Variants in KRT5 observed in about 807,000 individuals in gnomAD.
KRT5 encodes the protein keratin 5, also known as keratin, type II cytoskeletal 5.
In KRT5, 17 loss-of-function variants were observed where a neutral mutation model predicts 44.0. The observed-to-expected ratio is 0.39, with a 90% CI of 0.26 to 0.58. The LOEUF (loss-of-function observed/expected upper bound fraction) is 0.58, where lower values mean the gene tolerates loss of function less well. KRT5 is among the 20% of genes least tolerant of loss of function. The pLI is 0.61. For synonymous variants in KRT5, 329 were observed against 312.8 expected (o/e 1.05, Z -0.55); for missense variants, 737 against 785.5 (o/e 0.94, Z 0.74).
Position 52,514,804 on chromosome 12 carries a change from A to G in KRT5, c.*138T>C. 1 of 751,014 alleles carries G rather than the reference A, an allele frequency of 1.3e-6. No homozygotes were observed. Among genetic ancestry groups the G allele is most frequent in the Non-Finnish European group, 2.3e-6 (1 of 442,356 alleles). 46.5% of individuals were successfully genotyped at this position (751,014 alleles called of 1,614,324 possible). ...GGAATGGGGCTCTCCTGGGAACCAAAGAATGTGGTTCTGCAATTGGCTTGG... is the reference window on the plus strand; with the variant it reads ...GGAATGGGGCTCTCCTGGGAACCAAGGAATGTGGTTCTGCAATTGGCTTGG... On this transcript the variant is annotated 3_prime_UTR_variant, in exon 9 of 9. Coordinates refer to ENST00000252242, the MANE Select transcript of KRT5 (RefSeq NM_000424.4).
In KRT5 at chr12:52,515,230, T is replaced by A; in HGVS notation, c.1485A>T (p.Thr495=). 1 of 1,607,344 alleles carries A rather than the reference T, an allele frequency of 6.2e-7. No individual in the cohort carries two copies. Among genetic ancestry groups the A allele is most frequent in the African/African-American group, 1.3e-5 (1 of 74,880 alleles). The change falls in exon 9 of 9, where the codon ACA becomes ACT. Residue 495 remains threonine (T), a synonymous_variant. Transcript: ENST00000252242. ...TGCCATATCCAGAGGAAACACTGCT[T>A]GTGACAACAGCTGCAGGGAAAGGAG... The part of the protein sequence containing the change: ...GVGPVNISVV[T]SSVSSGYGSG...
intron 1 of KRT5, 88 bp from the exon 2 acceptor site, chr12:52,519,248 C>A: frequency 6.4e-7 from 1 of 1,554,380 alleles, no homozygotes. Context: ...CTCTTTCCGT[C>A]CCTCTAAAGC....
rs1938574920 is a variant in KRT5, at chr12:52,514,685, TTGGG to T, written c.*253_*256del. 2 of 482,350 alleles carry T rather than the reference TTGGG, an allele frequency of 4.1e-6. No homozygotes were observed. The highest frequency in any genetic ancestry group is 3.9e-5 in the African/African-American group (2 of 51,930). The allele number at this position is 482,350 out of a possible 1,614,324, so 29.9% of individuals were successfully genotyped here. On this transcript the variant is annotated 3_prime_UTR_variant, in exon 9 of 9. Coordinates refer to ENST00000252242, the MANE Select transcript of KRT5 (RefSeq NM_000424.4). The stretch of plus-strand genomic sequence containing the variant: ...TTGATGATTTAGATTTGGGAAAACT[TTGGG>T]TTCTCGTGTCAGCAGGGGCCATGCT...
At chr12:52,518,696 G>C (rs978979127) in intron 2 of KRT5, among the ~76,000 whole-genome samples, 5 of 152,212 alleles carry the variant, frequency 3.3e-5, no homozygotes, top group African/African-American at 1.2e-4. Flanking sequence ...ACCAGGTAGT[G>C]CCAAGGGCAC....
At position 52,520,155 on chromosome 12, in the gene KRT5, T is replaced by C. The variant is rs61747180; in HGVS notation, c.142A>G (p.Arg48Gly). ...SGGGGGGGFG[R>G]VSLAGACGVG... ...CCACAAGCACCCGCAAGGCTGACCCTGCCGAAGCCACCACCACCGCCACCC... is the reference window on the plus strand; with the variant it reads ...CCACAAGCACCCGCAAGGCTGACCCCGCCGAAGCCACCACCACCGCCACCC... Residue 48 changes from arginine (R) to glycine (G), a missense_variant, in exon 1 of 9, where the codon AGG (arginine) becomes GGG (glycine). By Grantham distance (125) the Arg-to-Gly change is moderately radical. Transcript: ENST00000252242. 1.9e-6 allele frequency: 3 copies of C among 1,613,784 alleles called. No individual in the cohort carries two copies. The African/African-American group carries it at 4.0e-5, about 22-fold the overall frequency.
At chr12:52,518,593 T>G in intron 2 of KRT5, 1 of 555,828 alleles carries the variant, frequency 1.8e-6, no homozygotes, top group South Asian at 1.7e-5. Flanking sequence ...CTGGGTTATG[T>G]CACCAGCTCC....
intron 2 of KRT5, 99 bp from the exon 3 acceptor site, chr12:52,518,262 AG>A (rs1158205607): frequency 1.8e-6 from 2 of 1,138,874 alleles, no homozygotes; most frequent in African/African-American, 3.0e-5. Context: ...TGCAGTGGGA[AG>A]GGGCTTCTCC....
Position 52,515,818 on chromosome 12 carries a change from CCTT to C in KRT5, c.1451_1453del (p.Glu484del). ...CTTACAGATGTTGACTGGTCCAACT[CCTT>C]CTCCACTGAGTCTGAAAGGGGAAAA... is the stretch of plus-strand genomic sequence containing the variant. On this transcript the variant is annotated inframe_deletion, in exon 8 of 9. Transcript: ENST00000252242. 1 of 1,613,400 alleles carries C rather than the reference CCTT, an allele frequency of 6.2e-7. No homozygotes were observed. The highest frequency in any genetic ancestry group is 1.1e-5 in the South Asian group (1 of 91,056).
intron 1 of KRT5, chr12:52,519,410 G>C: frequency 1.5e-6 from 1 of 651,084 alleles, no homozygotes; most frequent in Non-Finnish European, 2.6e-6. Context: ...CTCAGGGGTG[G>C]CTGCAAAGGC....
intron 3 of KRT5, 53 bp downstream of exon 3, chr12:52,518,050 C>T: frequency 1.2e-6 from 2 of 1,612,034 alleles, no homozygotes; most frequent in South Asian, 1.1e-5. Flanking sequence ...AAGTGAGCTC[C>T]ACGCTTAGAG....
chr12:52,515,209 A>G lies in KRT5; in HGVS notation c.1506T>C (p.Tyr502=), dbSNP rs778821833. ...CACCGCCATAGCCACTGCCACTGCC[A>G]TATCCAGAGGAAACACTGCTTGTGA... ...SVVTSSVSSG[Y]GSGSGYGGGL... Residue 502 remains tyrosine, a synonymous_variant, in exon 9 of 9, where the codon TAT becomes TAC. Transcript: ENST00000252242. 1.2e-6 allele frequency: 2 copies of G among 1,610,174 alleles called. No individual in the cohort carries two copies. The highest frequency in any genetic ancestry group is 1.1e-5 in the South Asian group (1 of 91,014).
intron 5 of KRT5, 35 bp downstream of exon 5, chr12:52,517,555 C>T: frequency 6.2e-7 from 1 of 1,608,078 alleles, no homozygotes; most frequent in Non-Finnish European, 8.5e-7. Context: ...ATGGGTGTGT[C>T]CCCTCACTCA....
rs58751565 is a variant in KRT5, at chr12:52,520,283, G to A, written c.14C>T (p.Ser5Leu). 8 of 1,613,346 alleles carry A rather than the reference G, an allele frequency of 5.0e-6. No homozygotes were observed. In the Admixed American group the frequency reaches 8.3e-5, roughly 17 times the overall value. The change falls in exon 1 of 9, where the codon TCA (serine) becomes TTA (leucine). Residue 5 changes from serine to leucine, a missense_variant. Coordinates refer to ENST00000252242, the MANE Select transcript of KRT5 (RefSeq NM_000424.4). Reference sequence around the variant, plus strand: ...GCCCCCGCTCCGGAAGGACACACTTGACTGGCGAGACATGGTGGCTTGTTC... The same window carrying A: ...GCCCCCGCTCCGGAAGGACACACTTAACTGGCGAGACATGGTGGCTTGTTC... MSRQSSVSFRSGGSR... is the reference protein window; with the variant it reads MSRQLSVSFRSGGSR...
Position 52,520,009 on chromosome 12 carries a change from G to A in KRT5, c.288C>T (p.Gly96=). ...ATCCACTACCGGCACCACCTCCAAA[G>A]CCATAGCCGCCTCCAGCACCAGCAC... ...RFGAGAGGGY[G]FGGGAGSGFG... is the part of the protein sequence containing the mutation. Residue 96 remains glycine (G), a synonymous_variant, in exon 1 of 9, where the codon GGC becomes GGT. Coordinates refer to ENST00000252242, the MANE Select transcript of KRT5 (RefSeq NM_000424.4). 1 of 1,613,974 alleles carries A rather than the reference G, an allele frequency of 6.2e-7. No individual in the cohort carries two copies.
intron 7 of KRT5, chr12:52,516,204 T>C: frequency 2.3e-6 from 1 of 429,000 alleles, no homozygotes; most frequent in Non-Finnish European, 4.3e-6. Context: ...ATGGGCAATG[T>C]CAGAGGTTGA....
chr12:52,515,254 A>G lies in KRT5; in HGVS notation c.1475-14T>C, dbSNP rs776031981. Reference sequence around the variant, plus strand: ...TTGTGACAACAGCTGCAGGGAAAGGAGGGAGGACTCAGTGAGACCATCTGC... The same window carrying G: ...TTGTGACAACAGCTGCAGGGAAAGGGGGGAGGACTCAGTGAGACCATCTGC... On this transcript the variant is annotated splice_polypyrimidine_tract_variant and intron_variant, in intron 8 of 8. Coordinates refer to ENST00000252242, the MANE Select transcript of KRT5 (RefSeq NM_000424.4). The G allele has an allele frequency of 1.2e-6, 2 of 1,603,954 alleles. No homozygotes were observed. The highest frequency in any genetic ancestry group is 1.7e-6 in the Non-Finnish European group (2 of 1,179,924).
At chr12:52,518,213 A>AAGGGGTCTTTATT in intron 2 of KRT5, 50 bp from the exon 3 acceptor site, 1 of 1,561,550 alleles carries the variant, frequency 6.4e-7, no homozygotes, top group Non-Finnish European at 8.8e-7. Flanking sequence ...AGCAACAGGT[A>AAGGGGTCTTTATT]AGGGGTCTTT....
chr12:52,516,665 G>A lies in KRT5; in HGVS notation c.1411C>T (p.Arg471Cys), dbSNP rs267607448. Residue 471 changes from arginine to cysteine, a missense_variant, in exon 7 of 9, where the codon CGC becomes TGC. By Grantham distance (180) the Arg-to-Cys change is radical. Transcript: ENST00000252242. ...CATTCCTCGCCCTCCAGCAGCTTGC[G>A]GTAAGTGGCGATCTCCACGTCCAGG... is the stretch of plus-strand genomic sequence containing the variant. ...LALDVEIATY[R>C]KLLEGEECRL... The A allele has an allele frequency of 7.4e-5, 120 of 1,614,020 alleles. No individual in the cohort carries two copies. In the Middle Eastern group the frequency reaches 2.5e-3, roughly 33 times the overall value.
rs367665298 is a variant in KRT5 at position 52,517,197 on chromosome 12, G to C, written c.1128C>G (p.Gly376=). The change falls in exon 6 of 9, where the codon GGC becomes GGG. Residue 376 remains glycine (G), a synonymous_variant. Transcript: ENST00000252242. ...EELQQTAGRH[G]DDLRNTKHEI... ...CATGCTTGGTGTTGCGGAGGTCATC[G>C]CCATGCCGGCCAGCTGTCTGCTGCA... 1 of 1,613,934 alleles carries C rather than the reference G, an allele frequency of 6.2e-7. No individual in the cohort carries two copies. Among genetic ancestry groups the C allele is most frequent in the South Asian group, 1.1e-5 (1 of 91,076 alleles).
Sources: gnomAD v4.1 joint callset for allele counts (sites outside exome capture counted in the v4.1 genomes callset) on GRCh38, gnomAD v4.1.1 for gene constraint, MANE v1.5 for transcripts, NCBI Gene and HGNC (gene_info 2026-07-23, HGNC 2026-07-21) for gene names.